ADH6: variants seen among roughly 807,000 people sequenced by gnomAD.
The protein encoded by ADH6 is alcohol dehydrogenase 6 (class V).
A neutral mutation model predicts 36.5 loss-of-function variants in ADH6; 34 were observed. The observed-to-expected ratio is 0.93, with a 90% CI of 0.71 to 1.24. The LOEUF (loss-of-function observed/expected upper bound fraction) is 1.24. ADH6 is among the 50% of genes most tolerant of loss of function. ADH6 has a pLI of 0.00. For missense variants in ADH6, 440 were observed against 447.0 expected (o/e 0.98, Z 0.14); for synonymous variants, 161 against 155.5 (o/e 1.04, Z -0.26).
chr4:99,210,438 C>G lies in ADH6; in HGVS notation c.327G>C (p.Glu109Asp). Residue 109 changes from glutamate to aspartate, a missense_variant, in exon 4 of 9, where the codon GAG (glutamate) becomes GAC (aspartate). Transcript: ENST00000394899. ...ACTTGAATTGTATACAAAAATTGCC[C>G]TCAGAATTCAGGCAAGAGGTACATT... ...CGECTSCLNSEGNFCIQFKQS... is the reference protein window; with the variant it reads ...CGECTSCLNSDGNFCIQFKQS... 1 of 1,612,066 alleles carries G rather than the reference C, an allele frequency of 6.2e-7. No individual in the cohort carries two copies. Among genetic ancestry groups the G allele is most frequent in the Non-Finnish European group, 8.5e-7 (1 of 1,179,202 alleles).
At position 99,210,314 on chromosome 4, in the gene ADH6, CA is replaced by C. The variant is rs748679794; in HGVS notation, c.351-17del. ...TTTTGACTGTCTTTTATAGACAAAACAAAAAACAAAACACAAAGTTTATTTT... is the reference window on the plus strand; with the variant it reads ...TTTTGACTGTCTTTTATAGACAAAACAAAAACAAAACACAAAGTTTATTTT... On this transcript the variant is annotated splice_polypyrimidine_tract_variant and intron_variant, in intron 4 of 8. Transcript: ENST00000394899. 1 of 1,606,654 alleles carries C rather than the reference CA, an allele frequency of 6.2e-7. No homozygotes were observed. Among genetic ancestry groups the C allele is most frequent in the East Asian group, 2.2e-5 (1 of 44,784 alleles).
At chr4:99,215,454 A>G (rs2110555599) in intron 2 of ADH6, among the ~76,000 whole-genome samples, 1 of 152,356 alleles carries the variant, frequency 6.6e-6, no homozygotes, top group South Asian at 2.1e-4. Flanking sequence ...GCTGCACCCC[A>G]GACTAATTAA....
At chr4:99,208,555 C>G in intron 6 of ADH6, 113 bp downstream of exon 6, 1 of 1,267,284 alleles carries the variant, frequency 7.9e-7, no homozygotes, top group Non-Finnish European at 1.1e-6. Flanking sequence ...TCATGGAACA[C>G]AAGGAAAATT....
At chr4:99,215,904 T>G (rs1731395457) in intron 2 of ADH6, 1 of 221,066 alleles carries the variant, frequency 4.5e-6, no homozygotes, top group African/African-American at 2.3e-5. Context: ...TTTTTTTAAA[T>G]TAATAATTAG....
intron 2 of ADH6, among the ~76,000 whole-genome samples, chr4:99,214,534 T>C (rs988196037): frequency 6.6e-6 from 1 of 152,236 alleles, no homozygotes; most frequent in Non-Finnish European, 1.5e-5. Flanking sequence ...TCCCACTTTA[T>C]TGTAAGTTAG....
intron 7 of ADH6, 37 bp from the exon 8 acceptor site, chr4:99,205,100 G>A: frequency 6.6e-7 from 1 of 1,526,010 alleles, no homozygotes; most frequent in African/African-American, 1.4e-5. Flanking sequence ...TTACACATGA[G>A]GCTTCATTAT....
At chr4:99,208,436 C>G (rs959094278) in intron 6 of ADH6, 1 of 418,490 alleles carries the variant, frequency 2.4e-6, no homozygotes, top group Non-Finnish European at 4.2e-6. Flanking sequence ...AAATTTTAAT[C>G]TTATCTTGCT....
Position 99,208,826 on chromosome 4 carries a change from C to A in ADH6, c.670G>T (p.Asp224Tyr). ...AAGAARIIGV[D>Y]VNKEKFKKAQ... Reference sequence around the variant, plus strand: ...TTCTTAAATTTCTCCTTGTTGACATCCACTCCAATGATCCTGGCTGCTCCT... The same window carrying A: ...TTCTTAAATTTCTCCTTGTTGACATACACTCCAATGATCCTGGCTGCTCCT... Residue 224 changes from aspartate (D) to tyrosine (Y), a missense_variant, in exon 6 of 9, where the codon GAT becomes TAT. Coordinates refer to ENST00000394899, the MANE Select transcript of ADH6 (RefSeq NM_001102470.2). The A allele has an allele frequency of 6.2e-7, 1 of 1,613,790 alleles. No individual in the cohort carries two copies. The highest frequency in any genetic ancestry group is 8.5e-7 in the Non-Finnish European group (1 of 1,179,814).
intron 2 of ADH6, 155 bp downstream of exon 2, chr4:99,216,006 T>C (rs1299739604): frequency 2.3e-6 from 1 of 442,496 alleles, no homozygotes. Flanking sequence ...GATTTAAAAA[T>C]TGATGGAAAT....
chr4:99,216,135 A>ATTTTTTTTTTT (rs34008565), intron 2 of ADH6, 26 bp downstream of exon 2: 13 of 865,280 alleles, frequency 1.5e-5, no homozygotes, highest in South Asian at 5.8e-5. Context: ...TTTTGGTGTG[A>ATTTTTTTTTTT]TTTTTTTTTT....
At chr4:99,216,092 T>C (rs1579450715) in intron 2 of ADH6, 69 bp downstream of exon 2, 1 of 795,004 alleles carries the variant, frequency 1.3e-6, no homozygotes, top group Non-Finnish European at 1.9e-6. Flanking sequence ...GATAAGAATA[T>C]GTAACTTACA....
In ADH6 at chr4:99,210,601, G is replaced by A. The variant is rs1305191416; in HGVS notation, c.263-99C>T. ...GACAGCAAGGCACCCAAGAAGAAAT[G>A]ACAGCTGAAAATTATTTCCACATTC... On this transcript the variant is annotated intron_variant, in intron 3 of 8. Transcript: ENST00000394899. 5 of 864,230 alleles carry A rather than the reference G, an allele frequency of 5.8e-6. No homozygotes were observed. In the African/African-American group the frequency reaches 8.6e-5, roughly 15 times the overall value. 53.5% of individuals were successfully genotyped at this position (864,230 alleles called of 1,614,324 possible).
intron 1 of ADH6, among the ~76,000 whole-genome samples, chr4:99,217,316 G>T (rs1019135540): frequency 6.6e-6 from 1 of 152,140 alleles, no homozygotes; most frequent in Non-Finnish European, 1.5e-5. Flanking sequence ...GATTACAGGC[G>T]TGAGCCACCA....
chr4:99,216,135 A>ATTT lies in ADH6; in HGVS notation c.120+23_120+25dup, dbSNP rs34008565. The ATTT allele has an allele frequency of 4.2e-3, 3,649 of 863,500 alleles. 17 individuals carry two copies. The highest frequency in any genetic ancestry group is 0.013 in the African/African-American group (595 of 46,242). 53.5% of individuals were successfully genotyped at this position (863,500 alleles called of 1,614,324 possible). On this transcript the variant is annotated intron_variant, in intron 2 of 8. Transcript: ENST00000394899. ...GCTCTGGCTTTTGGCTTTTGGTGTG[A>ATTT]TTTTTTTTTTTTTTTTTTTTTTTAC... is the stretch of plus-strand genomic sequence containing the variant.
rs531260389 is a variant in ADH6, at chr4:99,207,699, C to T, written c.829-118G>A. 4.8e-4 allele frequency: 513 copies of T among 1,078,840 alleles called. 7 individuals are homozygous for T. The South Asian group carries it at 7.8e-3, about 16-fold the overall frequency. The allele number at this position is 1,078,840 out of a possible 1,614,324, so 66.8% of individuals were successfully genotyped here. ...CTATGACTTTCTTTTCTGATTCTCC[C>T]TATTCTCATTTGAAGTAACATTTAT... On this transcript the variant is annotated intron_variant, in intron 6 of 8. Transcript: ENST00000394899.
At chr4:99,207,214 T>A (rs1420166944) in intron 7 of ADH6, among the ~76,000 whole-genome samples, 2 of 152,084 alleles carry the variant, frequency 1.3e-5, no homozygotes, top group African/African-American at 4.8e-5. Context: ...CTGGATTCTT[T>A]ACCAATCAAT....
chr4:99,210,767 A>G (rs1222603916), intron 3 of ADH6, among the ~76,000 whole-genome samples: 1 of 152,148 alleles, frequency 6.6e-6, no homozygotes, highest in African/African-American at 2.4e-5. Context: ...CTCCTTTTCA[A>G]GTATGAAATA....
chr4:99,212,187 T>C (rs1731247545), intron 3 of ADH6, among the ~76,000 whole-genome samples: 1 of 152,194 alleles, frequency 6.6e-6, no homozygotes, highest in Non-Finnish European at 1.5e-5. Flanking sequence ...TATATAAATT[T>C]AAATGATATT....
At chr4:99,208,598 C>T in intron 6 of ADH6, 70 bp downstream of exon 6, 1 of 1,487,284 alleles carries the variant, frequency 6.7e-7, no homozygotes, top group Non-Finnish European at 9.1e-7. Flanking sequence ...TTTTAGAAAG[C>T]TCATTCAACT....
Sources: allele counts gnomAD v4.1 joint callset (sites outside exome capture counted in the v4.1 genomes callset), GRCh38; gene constraint gnomAD v4.1.1; transcripts MANE v1.5; gene names NCBI Gene and HGNC (gene_info 2026-07-23, HGNC 2026-07-21).